The following NRXN1 variants were observed in gnomAD, a reference collection of about 807,000 sequenced individuals.
The protein encoded by NRXN1 is neurexin 1.
A neutral mutation model predicts 150.9 loss-of-function variants in NRXN1; 39 were observed. The observed-to-expected ratio is 0.26, with a 90% CI of 0.20 to 0.34. The LOEUF is 0.34. Ranked by LOEUF, NRXN1 falls within the 10% of genes least tolerant of loss-of-function variation. NRXN1 has a pLI of 1.00. For missense variants in NRXN1, 1,815 were observed against 1,949.9 expected (o/e 0.93, Z 1.30); for synonymous variants, 924 against 757.0 (o/e 1.22, Z -3.62).
chr2:50,891,319 T>A (rs1681031013), intron 5 of NRXN1, among the ~76,000 whole-genome samples: 1 of 152,044 alleles, frequency 6.6e-6, no homozygotes, highest in African/African-American at 2.4e-5. Context: ...CATTTTAGAC[T>A]TAGTGATGGA....
chr2:50,983,665 T>G (rs1697198971), intron 2 of NRXN1, among the ~76,000 whole-genome samples: 1 of 152,040 alleles, frequency 6.6e-6, no homozygotes, highest in Admixed American at 6.6e-5. Context: ...GATATAATAG[T>G]GAAAATGTTT....
At chr2:50,470,379 C>T (rs1558786686) in intron 16 of NRXN1, among the ~76,000 whole-genome samples, 2 of 151,548 alleles carry the variant, frequency 1.3e-5, no homozygotes. Context: ...GCCAAAATAT[C>T]AAATAAAGAA....
At chr2:50,371,293 G>A (rs2080008190) in intron 17 of NRXN1, among the ~76,000 whole-genome samples, 1 of 151,956 alleles carries the variant, frequency 6.6e-6, no homozygotes, top group Non-Finnish European at 1.5e-5. Flanking sequence ...TTAAGAACAT[G>A]TTGCTTACAC....
chr2:50,471,763 GA>G (rs2089488676), intron 16 of NRXN1, among the ~76,000 whole-genome samples: 1 of 151,728 alleles, frequency 6.6e-6, no homozygotes, highest in Non-Finnish European at 1.5e-5. Flanking sequence ...AGAGGATCAG[GA>G]AAAATAACTA....
At chr2:50,688,254 A>C (rs982474) in intron 5 of NRXN1, among the ~76,000 whole-genome samples, 4 of 152,048 alleles carry the variant, frequency 2.6e-5, no homozygotes, top group Non-Finnish European at 5.9e-5. Flanking sequence ...GGGGTCCCCA[A>C]GTGCTTGTGG....
intron 2 of NRXN1, among the ~76,000 whole-genome samples, chr2:50,941,531 C>T (rs138299708): frequency 6.6e-6 from 1 of 152,152 alleles, no homozygotes; most frequent in African/African-American, 2.4e-5. Flanking sequence ...CTCTTGGGAA[C>T]TGGAGTAAAG....
At chr2:50,535,009 G>A (rs972905080) in intron 10 of NRXN1, among the ~76,000 whole-genome samples, 4 of 152,168 alleles carry the variant, frequency 2.6e-5, no homozygotes, top group Admixed American at 6.6e-5. Context: ...GAGTGCCCCC[G>A]AGTGTCATGT....
intron 5 of NRXN1, among the ~76,000 whole-genome samples, chr2:50,838,541 T>C (rs967520961): frequency 3.3e-5 from 5 of 152,106 alleles, no homozygotes; most frequent in South Asian, 2.1e-4. Context: ...ATAACGTCTC[T>C]ACAAATGTTA....
chr2:49,949,500 T>C (rs1673545843), intron 21 of NRXN1, among the ~76,000 whole-genome samples: 2 of 151,972 alleles, frequency 1.3e-5, no homozygotes, highest in South Asian at 4.1e-4. Flanking sequence ...AAGACTAATA[T>C]ATTCCAATGA....
chr2:50,464,535 C>A (rs2088609552), intron 17 of NRXN1: 1 of 151,946 alleles, frequency 6.6e-6, no homozygotes, highest in Admixed American at 6.6e-5. Flanking sequence ...AATCCACATT[C>A]AAATTCAGCC....
At chr2:50,498,069 G>C (rs1481163558) in intron 13 of NRXN1, among the ~76,000 whole-genome samples, 1 of 152,162 alleles carries the variant, frequency 6.6e-6, no homozygotes, top group Non-Finnish European at 1.5e-5. Context: ...AGTGCACAGA[G>C]AGACGCATTA....
intron 5 of NRXN1, among the ~76,000 whole-genome samples, chr2:50,662,502 T>A (rs1356699696): frequency 1.3e-5 from 2 of 152,060 alleles, no homozygotes; most frequent in Non-Finnish European, 2.9e-5. Context: ...CAGCAACCTG[T>A]AGGCCGCAGG....
At chr2:50,296,350 T>C (rs2073556779) in intron 17 of NRXN1, among the ~76,000 whole-genome samples, 3 of 152,098 alleles carry the variant, frequency 2.0e-5, no homozygotes, top group Admixed American at 2.0e-4. Flanking sequence ...GTGAACAACA[T>C]CTTTTTTGTT....
intron 5 of NRXN1, among the ~76,000 whole-genome samples, chr2:50,688,344 C>T (rs1036991433): frequency 4.6e-5 from 7 of 152,146 alleles, no homozygotes; most frequent in Non-Finnish European, 1.0e-4. Flanking sequence ...TGCTTTTATT[C>T]GAATGACTTA....
intron 2 of NRXN1, among the ~76,000 whole-genome samples, chr2:51,011,449 T>C (rs976494629): frequency 2.6e-5 from 4 of 151,918 alleles, no homozygotes; most frequent in Admixed American, 6.6e-5. Flanking sequence ...AAAGCCAGCA[T>C]TGTCCCTGCT....
At chr2:50,282,445 T>C (rs1373233418) in intron 17 of NRXN1, among the ~76,000 whole-genome samples, 3 of 152,154 alleles carry the variant, frequency 2.0e-5, no homozygotes, top group African/African-American at 7.2e-5. Context: ...CAAATTCTGT[T>C]GGAAAATACA....
chr2:50,548,906 A>G (rs1354984239), intron 9 of NRXN1, among the ~76,000 whole-genome samples: 1 of 152,064 alleles, frequency 6.6e-6, no homozygotes, highest in Non-Finnish European at 1.5e-5. Context: ...GGTTCCCTCT[A>G]CTTTAATAAC....
At chr2:50,430,658 CT>C (rs1024029840) in intron 17 of NRXN1, among the ~76,000 whole-genome samples, 2 of 152,138 alleles carry the variant, frequency 1.3e-5, no homozygotes, top group African/African-American at 4.8e-5. Flanking sequence ...TAGTAACTGT[CT>C]TTCTCTATAG....
chr2:50,545,511 A>T (rs1022235283), intron 9 of NRXN1, among the ~76,000 whole-genome samples: 4 of 152,246 alleles, frequency 2.6e-5, no homozygotes, highest in African/African-American at 9.6e-5. Context: ...CCCAATGAAG[A>T]GATTTGGTAG....
Sources: allele counts gnomAD v4.1 joint callset (sites outside exome capture counted in the v4.1 genomes callset), GRCh38; gene constraint gnomAD v4.1.1; transcripts MANE v1.5; gene names NCBI Gene and HGNC (gene_info 2026-07-23, HGNC 2026-07-21).